Variants in UBR3 observed in about 807,000 individuals in gnomAD.
The protein encoded by UBR3 is ubiquitin protein ligase E3 component n-recognin 3.
A neutral mutation model predicts 243.2 loss-of-function variants in UBR3; 85 were observed. That is an observed-to-expected ratio of 0.35 (90% CI 0.29 to 0.42). UBR3 has a LOEUF of 0.42. Ranked by LOEUF, UBR3 falls within the 10% of genes least tolerant of loss-of-function variation. The probability of loss-of-function intolerance (pLI) is 1.00; values close to 1 mark genes in which losing one functional copy is unlikely to be tolerated. For synonymous variants in UBR3, 748 were observed against 799.8 expected (o/e 0.94, Z 1.09); for missense variants, 1,686 against 2,300.8 (o/e 0.73, Z 5.47).
chr2:169,974,028 A>G (rs2088302442), intron 24 of UBR3, among the ~76,000 whole-genome samples: 1 of 152,200 alleles, frequency 6.6e-6, no homozygotes, highest in Non-Finnish European at 1.5e-5. Context: ...CAATTCTTGC[A>G]TCCTTGGAAT....
intron 20 of UBR3, 65 bp downstream of exon 20, chr2:169,942,699 G>T: frequency 7.3e-7 from 1 of 1,369,480 alleles, no homozygotes. Flanking sequence ...AATCCTAAAG[G>T]ATAATATTTA....
At chr2:169,977,275 A>G (rs535302743) in intron 24 of UBR3, among the ~76,000 whole-genome samples, 77 of 152,262 alleles carry the variant, frequency 5.1e-4, no homozygotes, top group Admixed American at 1.2e-3. Flanking sequence ...CAAAATCTAT[A>G]TTAGGTTTTT....
At chr2:169,969,548 C>CTTTT (rs199918460) in intron 24 of UBR3, among the ~76,000 whole-genome samples, 4 of 134,186 alleles carry the variant, frequency 3.0e-5, no homozygotes, top group East Asian at 2.1e-4. Flanking sequence ...CCATTTGTGT[C>CTTTT]TTTTTTTTTT....
At chr2:169,861,360 AGCACTCTGG>A (rs994914783) in intron 1 of UBR3, among the ~76,000 whole-genome samples, 2 of 152,234 alleles carry the variant, frequency 1.3e-5, no homozygotes, top group African/African-American at 4.8e-5. Flanking sequence ...CCGTAATCCC[AGCACTCTGG>A]GAGGCCGAGG....
intron 7 of UBR3, 59 bp downstream of exon 7, chr2:169,895,370 T>C: frequency 6.8e-7 from 1 of 1,479,186 alleles, no homozygotes; most frequent in Non-Finnish European, 9.0e-7. Flanking sequence ...CCTTTCATTA[T>C]TAAATCTTTT....
At chr2:169,866,370 GT>G (rs748192184) in intron 1 of UBR3, among the ~76,000 whole-genome samples, 376 of 141,406 alleles carry the variant, frequency 2.7e-3, no homozygotes, top group Middle Eastern at 7.3e-3. Flanking sequence ...TTGTTTTTTT[GT>G]TTTTTTTTTT....
intron 10 of UBR3, among the ~76,000 whole-genome samples, chr2:169,908,475 T>G (rs976339893): frequency 2.6e-5 from 4 of 152,262 alleles, no homozygotes; most frequent in Non-Finnish European, 5.9e-5. Context: ...ATATGAGGTT[T>G]GTTTGTTCAT....
At position 169,827,597 on chromosome 2, in the gene UBR3, C is replaced by T; in HGVS notation, c.90C>T (p.Ala30=). The change falls in exon 1 of 39, where the codon GCC becomes GCT. Residue 30 remains alanine, a synonymous_variant. Coordinates refer to ENST00000272793, the MANE Select transcript of UBR3 (RefSeq NM_172070.4). ...PAPGLALDKA[A]TAAHLKAALS... ...CGGGGCTGGCCCTAGACAAGGCGGC[C>T]ACCGCCGCGCACCTCAAGGCGGCCC... The T allele has an allele frequency of 2.4e-6, 3 of 1,254,328 alleles. No individual in the cohort carries two copies. The highest frequency in any genetic ancestry group is 6.5e-5 in the East Asian group (2 of 30,998). The allele number at this position is 1,254,328 out of a possible 1,614,324, so 77.7% of individuals were successfully genotyped here. A position where few individuals can be genotyped will look rare whatever the true frequency, so the allele number is the denominator to read the frequency against.
chr2:169,947,805 A>C, intron 22 of UBR3, 90 bp downstream of exon 22: 4 of 1,256,812 alleles, frequency 3.2e-6, no homozygotes, highest in Non-Finnish European at 4.0e-6. Context: ...ATCCAAAAGA[A>C]AAAAAAATGT....
At chr2:169,888,492 A>G (rs1202302680) in intron 5 of UBR3, among the ~76,000 whole-genome samples, 1 of 152,184 alleles carries the variant, frequency 6.6e-6, no homozygotes, top group Non-Finnish European at 1.5e-5. Context: ...TGTATGTCAT[A>G]TTTTAATGGT....
intron 19 of UBR3, among the ~76,000 whole-genome samples, chr2:169,933,507 A>G (rs2086215212): frequency 1.3e-5 from 2 of 152,362 alleles, no homozygotes; most frequent in South Asian, 4.1e-4. Context: ...TTTGAAAGAT[A>G]TCTTTTAAAT....
At chr2:170,018,147 T>C (rs1245004426) in intron 30 of UBR3, among the ~76,000 whole-genome samples, 1 of 152,218 alleles carries the variant, frequency 6.6e-6, no homozygotes, top group Non-Finnish European at 1.5e-5. Flanking sequence ...CTGTACAACA[T>C]TGCCTTGGGA....
At chr2:169,946,540 A>T (rs1054757978) in intron 21 of UBR3, 148 bp downstream of exon 21, 3 of 395,150 alleles carry the variant, frequency 7.6e-6, no homozygotes, top group Non-Finnish European at 1.4e-5. Context: ...AGGTGTATTT[A>T]TGTTTTCATC....
intron 21 of UBR3, among the ~76,000 whole-genome samples, chr2:169,947,236 G>A (rs2086820714): frequency 6.6e-6 from 1 of 151,938 alleles, no homozygotes. Flanking sequence ...ATTACTAATG[G>A]GTGAGGATGA....
At chr2:170,015,591 C>T (rs970024393) in intron 30 of UBR3, among the ~76,000 whole-genome samples, 22 of 5,596 alleles carry the variant, frequency 3.9e-3, no homozygotes, top group Non-Finnish European at 0.023. Flanking sequence ...TGCTAAGTGA[C>T]GAGGTTTCAA....
chr2:170,055,872 G>A (rs138403072), intron 33 of UBR3, among the ~76,000 whole-genome samples: 55 of 152,168 alleles, frequency 3.6e-4, no homozygotes, highest in Non-Finnish European at 6.6e-4. Flanking sequence ...AACACAGTGA[G>A]CACATGATAA....
intron 18 of UBR3, among the ~76,000 whole-genome samples, chr2:169,932,076 A>ATTTTTTTTTTTT (rs140968517): frequency 1.4e-5 from 2 of 145,920 alleles, no homozygotes; most frequent in Non-Finnish European, 3.0e-5. Flanking sequence ...TAGCTCATTA[A>ATTTTTTTTTTTT]TTTTTTTTTT....
chr2:169,991,668 C>T (rs910996501), intron 25 of UBR3, among the ~76,000 whole-genome samples: 4 of 152,060 alleles, frequency 2.6e-5, no homozygotes, highest in African/African-American at 9.7e-5. Flanking sequence ...CTGCAAGCTC[C>T]GTTTCCTGGG....
Position 170,064,223 on chromosome 2 carries a change from A to G in UBR3, c.5019+2780A>G, listed in dbSNP as rs538701713. Among the ~76,000 whole-genome samples, 4 of 152,284 alleles carry G rather than the reference A, an allele frequency of 2.6e-5. No homozygotes were observed. In the South Asian group the frequency reaches 8.3e-4, roughly 32 times the overall value. ...GATTATCTTCATTCTGTTTTTAAGC[A>G]TAGTAGATATCTTTTCACTGGCTTT... On this transcript the variant is annotated intron_variant, in intron 35 of 38. Transcript: ENST00000272793.
Sources: allele counts gnomAD v4.1 joint callset (sites outside exome capture counted in the v4.1 genomes callset), GRCh38; gene constraint gnomAD v4.1.1; transcripts MANE v1.5; gene names NCBI Gene and HGNC (gene_info 2026-07-23, HGNC 2026-07-21).